SGCD: variants seen among roughly 807,000 people sequenced by gnomAD.
SGCD encodes sarcoglycan delta.
A neutral mutation model predicts 36.6 loss-of-function variants in SGCD; 18 were observed. That is an observed-to-expected ratio of 0.49 (90% CI 0.34 to 0.73). The LOEUF (loss-of-function observed/expected upper bound fraction) is 0.73. Ranked by LOEUF, SGCD falls within the 30% of genes least tolerant of loss-of-function variation. The pLI is 0.01. For synonymous variants in SGCD, 133 were observed against 130.6 expected (o/e 1.02, Z -0.12); for missense variants, 387 against 346.7 (o/e 1.12, Z -0.92).
chr5:156,548,564 G>A lies in SGCD; in HGVS notation c.294+39862G>A, dbSNP rs181765329. Among the ~76,000 whole-genome samples, 500 of 152,298 alleles carry A rather than the reference G, an allele frequency of 3.3e-3. 1 individual carries two copies. The highest frequency in any genetic ancestry group is 0.01 in the Middle Eastern group (3 of 294). Reference sequence around the variant, plus strand: ...TTTGGTCTTGATTCTAAACACAGCTGACTCAGCTACCTGCTGGGCATGTGA... The same window carrying A: ...TTTGGTCTTGATTCTAAACACAGCTAACTCAGCTACCTGCTGGGCATGTGA... On this transcript the variant is annotated intron_variant, in intron 4 of 8. Transcript: ENST00000337851.
intron 1 of SGCD, among the ~76,000 whole-genome samples, chr5:156,083,796 T>G (rs1464405580): frequency 1.3e-5 from 2 of 151,890 alleles, no homozygotes; most frequent in South Asian, 2.1e-4. Context: ...TTTGTTTTTG[T>G]TTTTTGTTTG....
At chr5:155,874,029 C>T (rs1755713512) in intron 1 of SGCD, among the ~76,000 whole-genome samples, 1 of 152,120 alleles carries the variant, frequency 6.6e-6, no homozygotes, top group South Asian at 2.1e-4. Flanking sequence ...CACCATTGCT[C>T]ATATCAACAG....
At chr5:156,354,214 G>T (rs1481209618) in intron 3 of SGCD, among the ~76,000 whole-genome samples, 1 of 152,200 alleles carries the variant, frequency 6.6e-6, no homozygotes, top group Non-Finnish European at 1.5e-5. Context: ...GCACTGGAAG[G>T]CTTCTTGAGT....
At chr5:155,966,829 G>T (rs1424389890) in intron 1 of SGCD, among the ~76,000 whole-genome samples, 1 of 152,050 alleles carries the variant, frequency 6.6e-6, no homozygotes, top group African/African-American at 2.4e-5. Context: ...AAATGTTAAT[G>T]AACTTCGTAT....
intron 1 of SGCD, among the ~76,000 whole-genome samples, chr5:156,012,685 T>TC (rs1758885156): frequency 1.3e-5 from 2 of 151,190 alleles, no homozygotes; most frequent in African/African-American, 2.4e-5. Flanking sequence ...GGATCTTGGC[T>TC]CACTGCAAGC....
intron 3 of SGCD, among the ~76,000 whole-genome samples, chr5:156,252,124 T>C (rs1282917891): frequency 6.6e-6 from 1 of 151,682 alleles, no homozygotes; most frequent in Non-Finnish European, 1.5e-5. Flanking sequence ...TGGAGTGCAA[T>C]GGCATGATCT....
chr5:155,986,806 G>T (rs541096049), intron 1 of SGCD, among the ~76,000 whole-genome samples: 1 of 152,190 alleles, frequency 6.6e-6, no homozygotes, highest in South Asian at 2.1e-4. Context: ...CCTTTAAAGT[G>T]CATCAAATCA....
the SGCD span, among the ~76,000 whole-genome samples, chr5:155,741,009 C>G: frequency 6.3e-4 from 96 of 152,224 alleles, no homozygotes; most frequent in Middle Eastern, 3.4e-3. Context: ...ACAGAAGTCA[C>G]AGGCAGAGGC....
chr5:155,946,296 C>A (rs1334060179), intron 1 of SGCD, among the ~76,000 whole-genome samples: 1 of 152,070 alleles, frequency 6.6e-6, no homozygotes, highest in Admixed American at 6.6e-5. Context: ...ACATTTTTCT[C>A]ATATTATAGT....
chr5:155,852,720 AATTC>A, the SGCD span, among the ~76,000 whole-genome samples: 44 of 152,250 alleles, frequency 2.9e-4, 1 homozygote, highest in East Asian at 7.9e-3. Flanking sequence ...AAAAAAGTAT[AATTC>A]ATTCTTTTAA....
At chr5:156,249,257 G>C (rs377254856) in intron 3 of SGCD, among the ~76,000 whole-genome samples, 2 of 152,108 alleles carry the variant, frequency 1.3e-5, no homozygotes, top group Non-Finnish European at 2.9e-5. Flanking sequence ...GGCAGGACAG[G>C]CCACAAAAAT....
chr5:156,694,706 C>T (rs1363958989), intron 7 of SGCD, among the ~76,000 whole-genome samples: 2 of 152,088 alleles, frequency 1.3e-5, no homozygotes, highest in African/African-American at 4.8e-5. Flanking sequence ...GACTTTTAGA[C>T]TACATTATTC....
intron 3 of SGCD, among the ~76,000 whole-genome samples, chr5:156,186,435 A>G (rs1763763922): frequency 6.6e-6 from 1 of 152,122 alleles, no homozygotes; most frequent in South Asian, 2.1e-4. Context: ...TTTCTCTCAT[A>G]TCTTCTAAAA....
At chr5:156,504,919 T>A (rs1299801535) in intron 3 of SGCD, among the ~76,000 whole-genome samples, 1 of 152,222 alleles carries the variant, frequency 6.6e-6, no homozygotes, top group Non-Finnish European at 1.5e-5. Flanking sequence ...TGTTTAGTAA[T>A]CGTATCATGC....
intron 4 of SGCD, among the ~76,000 whole-genome samples, chr5:156,526,777 T>G (rs1757659173): frequency 6.6e-6 from 1 of 152,188 alleles, no homozygotes; most frequent in Admixed American, 6.5e-5. Context: ...TTTGAATAGT[T>G]CAACACGTAA....
chr5:156,605,305 G>C (rs1411552022), intron 6 of SGCD, among the ~76,000 whole-genome samples: 1 of 152,050 alleles, frequency 6.6e-6, no homozygotes, highest in African/African-American at 2.4e-5. Context: ...GCAGTGTTTG[G>C]TTTTTTGTCC....
At chr5:155,925,212 G>A (rs1036827653) in intron 1 of SGCD, among the ~76,000 whole-genome samples, 1 of 152,084 alleles carries the variant, frequency 6.6e-6, no homozygotes, top group Non-Finnish European at 1.5e-5. Context: ...TCAGATTACT[G>A]AGCTCCTTTT....
chr5:156,112,948 T>C (rs1338603951), intron 1 of SGCD, among the ~76,000 whole-genome samples: 1 of 152,240 alleles, frequency 6.6e-6, no homozygotes, highest in Admixed American at 6.5e-5. Flanking sequence ...TTCTGGTTTC[T>C]AATGTGATTT....
At chr5:156,202,842 G>C (rs892195138) in intron 3 of SGCD, among the ~76,000 whole-genome samples, 6 of 148,914 alleles carry the variant, frequency 4.0e-5, no homozygotes, top group African/African-American at 1.5e-4. Context: ...GAGGTACCCT[G>C]TTTCTGTATG....
Sources: allele counts gnomAD v4.1 joint callset (sites outside exome capture counted in the v4.1 genomes callset), GRCh38; gene constraint gnomAD v4.1.1; transcripts MANE v1.5; gene names NCBI Gene and HGNC (gene_info 2026-07-23, HGNC 2026-07-21).